Variants in CPE observed in about 807,000 individuals in gnomAD.
CPE encodes carbocypeptidase E.
A neutral mutation model predicts 53.5 loss-of-function variants in CPE; 17 were observed. The observed-to-expected ratio is 0.32, with a 90% CI of 0.22 to 0.48. CPE has a LOEUF of 0.48. Ranked by LOEUF, CPE falls within the 20% of genes least tolerant of loss-of-function variation. The pLI is 0.99. For missense variants in CPE, 524 were observed against 614.7 expected, an observed-to-expected ratio of 0.85 and a Z score of 1.56; for synonymous variants, 226 against 228.8, an observed-to-expected ratio of 0.99 and a Z score of 0.11.
chr4:165,449,823 G>T (rs998366902), intron 1 of CPE, among the ~76,000 whole-genome samples: 2 of 151,666 alleles, frequency 1.3e-5, no homozygotes, highest in African/African-American at 2.4e-5. Context: ...ATTTTAAATA[G>T]ATTTTTTTTG....
At chr4:165,400,710 T>C (rs1480804657) in intron 1 of CPE, among the ~76,000 whole-genome samples, 2 of 152,200 alleles carry the variant, frequency 1.3e-5, no homozygotes, top group African/African-American at 4.8e-5. Flanking sequence ...TTTTAAAGGC[T>C]AGTCAAGTGA....
chr4:165,427,564 T>C (rs1731343049), intron 1 of CPE, among the ~76,000 whole-genome samples: 1 of 152,182 alleles, frequency 6.6e-6, no homozygotes, highest in Non-Finnish European at 1.5e-5. Flanking sequence ...AAAAGAAAAT[T>C]AATATGGGCA....
At chr4:165,449,358 GAATTAT>G (rs1731770746) in intron 1 of CPE, among the ~76,000 whole-genome samples, 1 of 152,180 alleles carries the variant, frequency 6.6e-6, no homozygotes, top group African/African-American at 2.4e-5. Context: ...CAAAAATGTT[GAATTAT>G]AATTTGCTTT....
chr4:165,452,323 G>A lies in CPE; in HGVS notation c.308-12067G>A, dbSNP rs192069071. Reference sequence around the variant, plus strand: ...TTTCCAGCACAAAGAAAAGATAAATGTTTGAGGTGATGGATATCCTAGTTA... The same window carrying A: ...TTTCCAGCACAAAGAAAAGATAAATATTTGAGGTGATGGATATCCTAGTTA... On this transcript the variant is annotated intron_variant, in intron 1 of 8. Transcript: ENST00000402744. 3.3e-4 allele frequency among the ~76,000 whole-genome samples: 50 copies of A among 152,256 alleles called. 1 individual carries two copies. In the East Asian group the frequency reaches 4.6e-3, roughly 14 times the overall value.
At chr4:165,465,542 C>T (rs1254499995) in intron 2 of CPE, among the ~76,000 whole-genome samples, 1 of 152,018 alleles carries the variant, frequency 6.6e-6, no homozygotes, top group African/African-American at 2.4e-5. Flanking sequence ...ATCTAAACTT[C>T]CATGACTTAA....
intron 5 of CPE, among the ~76,000 whole-genome samples, chr4:165,485,104 G>GATT (rs973774056): frequency 6.6e-6 from 1 of 152,116 alleles, no homozygotes; most frequent in African/African-American, 2.4e-5. Flanking sequence ...ATCTCTATGA[G>GATT]ATCAGGTAGC....
chr4:165,485,299 T>C (rs1732489644), intron 5 of CPE, among the ~76,000 whole-genome samples: 1 of 152,210 alleles, frequency 6.6e-6, no homozygotes. Context: ...TATATATTTT[T>C]ACTTTTCTCT....
chr4:165,437,869 G>A (rs78619006), intron 1 of CPE, among the ~76,000 whole-genome samples: 6,397 of 152,120 alleles, frequency 0.042, 218 homozygotes, highest in East Asian at 0.15. Flanking sequence ...CAGAATGAAC[G>A]CACATATGGA....
chr4:165,387,940 T>C (rs1338736531), intron 1 of CPE, among the ~76,000 whole-genome samples: 1 of 152,146 alleles, frequency 6.6e-6, no homozygotes, highest in African/African-American at 2.4e-5. Context: ...TTTCTTGCTG[T>C]GGTTATGCAT....
rs553883034 is a variant in CPE at position 165,484,413 on chromosome 4, G to C, written c.791-9G>C. ...TCTGTTTCTTTAATCTTGTGGATTTGTTTTCTAGGTAGTGCTCACGAATAC... is the reference window on the plus strand; with the variant it reads ...TCTGTTTCTTTAATCTTGTGGATTTCTTTTCTAGGTAGTGCTCACGAATAC... On this transcript the variant is annotated splice_polypyrimidine_tract_variant and intron_variant, in intron 4 of 8. Transcript: ENST00000402744. The C allele has an allele frequency of 6.2e-6, 10 of 1,610,996 alleles. No homozygotes were observed. Among genetic ancestry groups the C allele is most frequent in the African/African-American group, 1.3e-5 (1 of 74,836 alleles).
At chr4:165,452,211 G>A (rs978535273) in intron 1 of CPE, among the ~76,000 whole-genome samples, 6 of 152,066 alleles carry the variant, frequency 3.9e-5, no homozygotes, top group Non-Finnish European at 7.4e-5. Flanking sequence ...GAAGAAATAA[G>A]TTCTAATATT....
intron 1 of CPE, among the ~76,000 whole-genome samples, chr4:165,392,974 T>C (rs183354323): frequency 8.1e-4 from 123 of 151,450 alleles, no homozygotes; most frequent in Non-Finnish European, 1.5e-3. Flanking sequence ...ATATTGTAAT[T>C]AGCAACAATT....
chr4:165,420,025 T>G (rs562520021), intron 1 of CPE, among the ~76,000 whole-genome samples: 8 of 152,354 alleles, frequency 5.3e-5, no homozygotes, highest in African/African-American at 1.9e-4. Context: ...TATGCATACA[T>G]AATTGCTTCC....
intron 1 of CPE, among the ~76,000 whole-genome samples, chr4:165,442,011 G>T: frequency 6.8e-6 from 1 of 146,840 alleles, no homozygotes; most frequent in East Asian, 2.0e-4. Flanking sequence ...CCTACAGCAA[G>T]ACGGTGAGTT....
intron 1 of CPE, among the ~76,000 whole-genome samples, chr4:165,461,432 G>T (rs1732004484): frequency 6.6e-6 from 1 of 152,034 alleles, no homozygotes; most frequent in African/African-American, 2.4e-5. Flanking sequence ...ATCTCGTAGA[G>T]AATTTTGGTC....
intron 1 of CPE, among the ~76,000 whole-genome samples, chr4:165,444,707 C>T (rs1455014890): frequency 1.3e-5 from 2 of 152,034 alleles, no homozygotes; most frequent in Admixed American, 6.6e-5. Context: ...GCCCTCAATG[C>T]GTCTTCCCCA....
intron 1 of CPE, among the ~76,000 whole-genome samples, chr4:165,457,865 G>C (rs909896743): frequency 6.6e-6 from 1 of 152,086 alleles, no homozygotes; most frequent in African/African-American, 2.4e-5. Context: ...CTGTAAGTGA[G>C]TAATCTGTTT....
intron 7 of CPE, among the ~76,000 whole-genome samples, chr4:165,495,034 C>A (rs1372475492): frequency 6.6e-6 from 1 of 152,116 alleles, no homozygotes; most frequent in Non-Finnish European, 1.5e-5. Flanking sequence ...AGGTTTGCAC[C>A]CAAGTTTGAA....
chr4:165,495,755 A>G, intron 8 of CPE, 78 bp downstream of exon 8: 1 of 1,023,844 alleles, frequency 9.8e-7, no homozygotes, highest in Non-Finnish European at 1.4e-6. Flanking sequence ...GAAGTGATTT[A>G]TATTTAATCT....
Sources: gnomAD v4.1 joint callset for allele counts (sites outside exome capture counted in the v4.1 genomes callset) on GRCh38, gnomAD v4.1.1 for gene constraint, MANE v1.5 for transcripts, NCBI Gene and HGNC (gene_info 2026-07-23, HGNC 2026-07-21) for gene names.